UGGT2: variants seen among roughly 807,000 people sequenced by gnomAD.
UGGT2 encodes UDP-glucose glycoprotein glucosyltransferase 2, also known as UDP-glucose:glycoprotein glucosyltransferase 2.
A neutral mutation model predicts 192.1 loss-of-function variants in UGGT2; 180 were observed. The observed-to-expected ratio is 0.94, with a 90% CI of 0.83 to 1.06. UGGT2 has a LOEUF of 1.06. UGGT2 is among the 50% of genes least tolerant of loss of function. The pLI, the probability that UGGT2 is intolerant of heterozygous loss-of-function variation, is 0.00. For missense variants in UGGT2, 1,849 were observed against 1,795.7 expected, an observed-to-expected ratio of 1.03 and a Z score of -0.54; for synonymous variants, 580 against 591.0, an observed-to-expected ratio of 0.98 and a Z score of 0.27.
rs115445875 is a variant in UGGT2 at position 96,017,584 on chromosome 13, G to A, written c.486-4103C>T. Among the ~76,000 whole-genome samples the A allele has an allele frequency of 3.1e-3, 477 of 152,040 alleles. 6 individuals are homozygous for A. The highest frequency in any genetic ancestry group is 0.011 in the African/African-American group (447 of 41,472). ...CAAAAACAGCCTAACACATAAAATC[G>A]GTACATACCAGTAATTTTATTTATT... On this transcript the variant is annotated intron_variant, in intron 4 of 38. Transcript: ENST00000376747.
intron 38 of UGGT2, among the ~76,000 whole-genome samples, chr13:95,804,747 G>A (rs1884223185): frequency 6.6e-6 from 1 of 152,052 alleles, no homozygotes; most frequent in South Asian, 2.1e-4. Flanking sequence ...ACACACAAAA[G>A]AATAAAGCTG....
chr13:95,972,668 G>A lies in UGGT2; in HGVS notation c.1096C>T (p.Leu366Phe), dbSNP rs1401377940. 6.2e-7 allele frequency: 1 copy of A among 1,613,034 alleles called. No homozygotes were observed. Among genetic ancestry groups the A allele is most frequent in the African/African-American group, 1.3e-5 (1 of 74,996 alleles). ...GGCTGAATTTTAAATCTAACTTGAAGATCCTTGAAGTAGAGCAAAGCAATA... is the reference window on the plus strand; with the variant it reads ...GGCTGAATTTTAAATCTAACTTGAAAATCCTTGAAGTAGAGCAAAGCAATA... Reference protein sequence around the residue: ...REEIKENQKDLQVRFKIQPGD... With the variant: ...REEIKENQKDFQVRFKIQPGD... The change falls in exon 11 of 39, where the codon CTT becomes TTT. Residue 366 changes from leucine (L) to phenylalanine (F), a missense_variant. Transcript: ENST00000376747.
At chr13:95,803,976 G>GA (rs1320481926) in intron 38 of UGGT2, among the ~76,000 whole-genome samples, 3 of 151,840 alleles carry the variant, frequency 2.0e-5, no homozygotes, top group Non-Finnish European at 2.9e-5. Context: ...GGGGATATTA[G>GA]AAAAAATCCA....
chr13:96,048,052 C>G (rs145125057), intron 1 of UGGT2, among the ~76,000 whole-genome samples: 2,181 of 152,276 alleles, frequency 0.014, 29 homozygotes, highest in South Asian at 0.054. Flanking sequence ...AGCACCACAC[C>G]GCACTTATTC....
chr13:95,966,684 ATT>A (rs2140748024), intron 12 of UGGT2, among the ~76,000 whole-genome samples: 1 of 152,286 alleles, frequency 6.6e-6, no homozygotes, highest in African/African-American at 2.4e-5. Context: ...TATGTAAAAT[ATT>A]GTGTATCAAT....
chr13:95,838,244 A>G (rs968389690), intron 36 of UGGT2, among the ~76,000 whole-genome samples: 4 of 152,224 alleles, frequency 2.6e-5, no homozygotes, highest in Non-Finnish European at 4.4e-5. Context: ...CATAAATCTA[A>G]TAAAATATGT....
chr13:95,829,308 A>AT (rs1347847414), intron 38 of UGGT2, among the ~76,000 whole-genome samples: 1 of 152,184 alleles, frequency 6.6e-6, no homozygotes, highest in Non-Finnish European at 1.5e-5. Flanking sequence ...TAGTGTTGGA[A>AT]GTTCTGGCCA....
rs569144676 is a variant in UGGT2, at chr13:95,907,782, G to T, written c.2296-4722C>A. Among the ~76,000 whole-genome samples, 8 of 152,304 alleles carry T rather than the reference G, an allele frequency of 5.3e-5. 1 individual carries two copies. Among genetic ancestry groups the T allele is most frequent in the African/African-American group, 1.9e-4 (8 of 41,572 alleles). ...GACCAAAGGTAGATAACACCACAAA[G>T]ATGGGGAGAAAGTACAACAGAAAAG... On this transcript the variant is annotated intron_variant, in intron 20 of 38. Coordinates refer to ENST00000376747, the MANE Select transcript of UGGT2 (RefSeq NM_020121.4).
intron 29 of UGGT2, among the ~76,000 whole-genome samples, chr13:95,871,164 T>C (rs977731266): frequency 2.0e-5 from 3 of 152,162 alleles, no homozygotes; most frequent in African/African-American, 4.8e-5. Flanking sequence ...CTAATGGTAA[T>C]ATGAAAGTAA....
Position 96,016,735 on chromosome 13 carries a change from C to T in UGGT2, c.486-3254G>A, listed in dbSNP as rs138638586. ...GCATAGAGGAAATGTGGGGTTGGAA[C>T]GCCCACACAGAGTCCCCACCTGGAT... On this transcript the variant is annotated intron_variant, in intron 4 of 38. Transcript: ENST00000376747. 2.5e-4 allele frequency among the ~76,000 whole-genome samples: 38 copies of T among 152,304 alleles called. No individual in the cohort carries two copies. The East Asian group carries it at 4.4e-3, about 18-fold the overall frequency.
chr13:95,877,738 T>C lies in UGGT2; in HGVS notation c.3347A>G (p.Asn1116Ser), dbSNP rs1051874581. 3 of 1,614,026 alleles carry C rather than the reference T, an allele frequency of 1.9e-6. No individual in the cohort carries two copies. The highest frequency in any genetic ancestry group is 2.5e-6 in the Non-Finnish European group (3 of 1,179,962). The change falls in exon 28 of 39, where the codon AAT becomes AGT. Residue 1116 changes from asparagine (N) to serine (S), a missense_variant. By Grantham distance (46) the Asn-to-Ser change is conservative (BLOSUM62 1). Transcript: ENST00000376747. ...TATTGTATCAACCACAGCAGGTTTA[T>C]TTTTTGTGCCTAGTGTGAACTGCAG... ...RGLQFTLGTK[N>S]KPAVVDTIVM...
At chr13:95,935,097 T>C (rs2049418071) in intron 17 of UGGT2, among the ~76,000 whole-genome samples, 1 of 152,194 alleles carries the variant, frequency 6.6e-6, no homozygotes, top group South Asian at 2.1e-4. Context: ...ACCCTTTACT[T>C]TGAGCCCGTC....
chr13:96,008,194 C>T (rs1443992659), intron 5 of UGGT2, among the ~76,000 whole-genome samples: 2 of 152,120 alleles, frequency 1.3e-5, no homozygotes, highest in East Asian at 1.9e-4. Flanking sequence ...GTGGAGTTAA[C>T]ATCAAGCTAA....
intron 29 of UGGT2, among the ~76,000 whole-genome samples, chr13:95,875,815 G>A (rs1194751976): frequency 2.6e-5 from 4 of 152,014 alleles, no homozygotes; most frequent in Admixed American, 1.3e-4. Flanking sequence ...AGTATAAAGG[G>A]GAAAGAGTGG....
At chr13:96,029,271 A>G (rs774569820) in intron 2 of UGGT2, among the ~76,000 whole-genome samples, 11 of 152,182 alleles carry the variant, frequency 7.2e-5, no homozygotes, top group Non-Finnish European at 1.5e-4. Flanking sequence ...CAATAGAATT[A>G]TATTTTAAGT....
chr13:95,934,958 T>A (rs2049412175), intron 17 of UGGT2, among the ~76,000 whole-genome samples: 1 of 152,220 alleles, frequency 6.6e-6, no homozygotes, highest in African/African-American at 2.4e-5. Flanking sequence ...TGTTGGTGCA[T>A]ATATATTTGG....
intron 30 of UGGT2, among the ~76,000 whole-genome samples, chr13:95,864,945 G>GA (rs1336292941): frequency 6.6e-6 from 1 of 152,164 alleles, no homozygotes; most frequent in African/African-American, 2.4e-5. Flanking sequence ...GCTAGATACA[G>GA]AATCTTGGGT....
intron 27 of UGGT2, 67 bp from the exon 28 acceptor site, chr13:95,877,923 A>G (rs570197856): frequency 6.9e-7 from 1 of 1,457,154 alleles, no homozygotes; most frequent in African/African-American, 1.4e-5. Flanking sequence ...TTTGAAATAA[A>G]TAAATGTGAT....
chr13:95,847,262 C>A (rs574531238), intron 36 of UGGT2, among the ~76,000 whole-genome samples: 2 of 152,130 alleles, frequency 1.3e-5, no homozygotes, highest in African/African-American at 4.8e-5. Flanking sequence ...ACACCCCCCA[C>A]CAAAGTGATA....
Sources: allele counts gnomAD v4.1 joint callset (sites outside exome capture counted in the v4.1 genomes callset), GRCh38; gene constraint gnomAD v4.1.1; transcripts MANE v1.5; gene names NCBI Gene and HGNC (gene_info 2026-07-23, HGNC 2026-07-21).